The following ADARB1 variants were observed in gnomAD, a reference collection of about 807,000 sequenced individuals.
ADARB1 encodes the protein double-stranded RNA-specific editase 1.
Under a neutral mutation model 52.4 loss-of-function variants are expected in ADARB1, and 10 were observed. The ratio of observed to expected loss-of-function variants is 0.19; its 90% confidence interval spans 0.12 to 0.32. The LOEUF is 0.32. Ranked by LOEUF, ADARB1 falls within the 10% of genes least tolerant of loss-of-function variation. ADARB1 has a pLI of 1.00. For synonymous variants in ADARB1, 349 were observed against 371.1 expected, an observed-to-expected ratio of 0.94 and a Z score of 0.68; for missense variants, 643 against 922.3, an observed-to-expected ratio of 0.70 and a Z score of 3.92.
chr21:45,180,300 C>G, intron 4 of ADARB1, 30 bp from the exon 5 acceptor site: 1 of 1,542,614 alleles, frequency 6.5e-7, no homozygotes, highest in Non-Finnish European at 8.9e-7. Context: ...TGCATCTGGC[C>G]CCTAACCTGC....
At chr21:45,078,022 T>G (rs1226797197) in intron 1 of ADARB1, among the ~76,000 whole-genome samples, 2 of 152,204 alleles carry the variant, frequency 1.3e-5, no homozygotes, top group Non-Finnish European at 2.9e-5. Context: ...TGACAGCTGT[T>G]GGGCTAGGGC....
intron 1 of ADARB1, among the ~76,000 whole-genome samples, chr21:45,102,860 G>A (rs1363094172): frequency 6.6e-6 from 1 of 152,212 alleles, no homozygotes; most frequent in African/African-American, 2.4e-5. Flanking sequence ...CAAGGCAAGG[G>A]CTGTGCAGAG....
At chr21:45,113,085 C>A (rs1339805339) in intron 1 of ADARB1, among the ~76,000 whole-genome samples, 2 of 152,002 alleles carry the variant, frequency 1.3e-5, no homozygotes. Context: ...GCACGCCTTT[C>A]CTAGGGATAT....
chr21:45,165,649 T>C (rs1432528266), intron 2 of ADARB1, among the ~76,000 whole-genome samples: 1 of 151,608 alleles, frequency 6.6e-6, no homozygotes, highest in Non-Finnish European at 1.5e-5. Flanking sequence ...CATGATTCGC[T>C]TGTTGAGTTT....
intron 1 of ADARB1, among the ~76,000 whole-genome samples, chr21:45,077,248 G>C (rs1415768264): frequency 6.6e-6 from 1 of 152,168 alleles, no homozygotes; most frequent in African/African-American, 2.4e-5. Context: ...AATTCAAATA[G>C]GAGGTAGTTA....
At position 45,199,939 on chromosome 21, in the gene ADARB1, A is replaced by G. The variant is rs899936768; in HGVS notation, c.1566-4616A>G. 3.9e-5 allele frequency among the ~76,000 whole-genome samples: 6 copies of G among 152,154 alleles called. No individual in the cohort carries two copies. The East Asian group carries it at 1.2e-3, about 29-fold the overall frequency. On this transcript the variant is annotated intron_variant, in intron 8 of 10. Coordinates refer to ENST00000348831, the MANE Select transcript of ADARB1 (RefSeq NM_001112.4). ...TGAACCCTTCAGATCCAAGCCTTTT[A>G]TTATATAGTAATTAGACTTTACCTC...
rs748103674 is a variant in ADARB1, at chr21:45,113,521, GTGTA to G, written c.-219-14879_-219-14876del. On this transcript the variant is annotated intron_variant, in intron 1 of 10. Transcript: ENST00000348831. Reference sequence around the variant, plus strand: ...TATGTGTGTGTGTGTGTGTGTGTGTGTGTATATATATATATATGTTGACATGTGA... The same window carrying G: ...TATGTGTGTGTGTGTGTGTGTGTGTGTATATATATATATGTTGACATGTGA... Among the ~76,000 whole-genome samples, 128 of 147,232 alleles carry G rather than the reference GTGTA, an allele frequency of 8.7e-4. 1 individual carries two copies. Among genetic ancestry groups the G allele is most frequent in the South Asian group, 1.9e-3 (9 of 4,700 alleles).
intron 1 of ADARB1, among the ~76,000 whole-genome samples, chr21:45,109,151 G>A (rs1002698996): frequency 2.1e-4 from 32 of 151,276 alleles, no homozygotes; most frequent in Admixed American, 7.2e-4. Context: ...GTGTGTGCGC[G>A]CGTGTGCGTA....
intron 1 of ADARB1, among the ~76,000 whole-genome samples, chr21:45,094,515 T>C (rs2086678723): frequency 6.6e-6 from 1 of 152,204 alleles, no homozygotes; most frequent in South Asian, 2.1e-4. Flanking sequence ...ACTCACGTGC[T>C]GCCAGGCGCC....
intron 3 of ADARB1, among the ~76,000 whole-genome samples, chr21:45,175,449 A>T (rs2091652720): frequency 6.6e-6 from 1 of 150,646 alleles, no homozygotes; most frequent in South Asian, 2.1e-4. Flanking sequence ...TTCTCAGAAG[A>T]AAAAAAATTA....
chr21:45,168,082 C>T (rs1311728707), intron 2 of ADARB1, among the ~76,000 whole-genome samples: 1 of 152,112 alleles, frequency 6.6e-6, no homozygotes, highest in Non-Finnish European at 1.5e-5. Context: ...TAGTTCTCAG[C>T]TGCATTTCCC....
At chr21:45,182,487 A>AGTT in intron 5 of ADARB1, 98 bp from the exon 6 acceptor site, 1 of 1,348,276 alleles carries the variant, frequency 7.4e-7, no homozygotes. Flanking sequence ...GCCCCTGAAA[A>AGTT]GTTAAGTCAC....
intron 2 of ADARB1, chr21:45,145,375 G>A (rs767100192): frequency 5.9e-5 from 9 of 152,592 alleles, no homozygotes; most frequent in Non-Finnish European, 1.0e-4. Context: ...GGCAGGGCAG[G>A]GCACCCGTGT....
chr21:45,150,805 G>A (rs1371920188), intron 2 of ADARB1, among the ~76,000 whole-genome samples: 1 of 152,228 alleles, frequency 6.6e-6, no homozygotes, highest in African/African-American at 2.4e-5. Context: ...ACTGACACAT[G>A]CCCTGGTGGC....
At chr21:45,178,136 A>G (rs765020786) in intron 4 of ADARB1, among the ~76,000 whole-genome samples, 1 of 152,208 alleles carries the variant, frequency 6.6e-6, no homozygotes, top group Non-Finnish European at 1.5e-5. Context: ...TGGATCCCAG[A>G]TGTCTGAACC....
chr21:45,118,219 G>T (rs970678181), intron 1 of ADARB1, among the ~76,000 whole-genome samples: 1 of 152,196 alleles, frequency 6.6e-6, no homozygotes, highest in African/African-American at 2.4e-5. Context: ...TTAGGTGTCC[G>T]CTGTTTCTAG....
rs1190384078 is a variant in ADARB1, at chr21:45,157,833, C to G, written c.-47-13777C>G. 1.3e-5 allele frequency among the ~76,000 whole-genome samples: 2 copies of G among 152,194 alleles called. No individual in the cohort carries two copies. The highest frequency in any genetic ancestry group is 2.9e-5 in the Non-Finnish European group (2 of 68,022). ...GTTTCTTCCATCCTTAAGCTCTGTT[C>G]TCTAACAGAAGTCACCCTGGCAGTT... On this transcript the variant is annotated intron_variant, in intron 2 of 10. Coordinates refer to ENST00000348831, the MANE Select transcript of ADARB1 (RefSeq NM_001112.4). The surrounding 1 kb of genome is among the most constrained non-coding windows in gnomAD (Gnocchi z 4.1).
chr21:45,137,374 G>A (rs2089451306), intron 2 of ADARB1: 1 of 152,284 alleles, frequency 6.6e-6, no homozygotes, highest in Non-Finnish European at 1.5e-5. Flanking sequence ...GATGACTGCT[G>A]ACCCCCTTCT....
chr21:45,105,760 C>T (rs187871835), intron 1 of ADARB1, among the ~76,000 whole-genome samples: 262 of 152,262 alleles, frequency 1.7e-3, no homozygotes, highest in Non-Finnish European at 2.9e-3. Context: ...TTCGTGAAAA[C>T]GTATTGTTGG....
Sources: gnomAD v4.1 joint callset for allele counts (sites outside exome capture counted in the v4.1 genomes callset) on GRCh38, gnomAD v4.1.1 for gene constraint, Gnocchi (gnomAD v3.1) non-coding constraint, MANE v1.5 for transcripts, NCBI Gene and HGNC (gene_info 2026-07-23, HGNC 2026-07-21) for gene names.